Variants in DNAJB12 observed in about 807,000 individuals in gnomAD.
DNAJB12 encodes the protein DnaJ heat shock protein family (Hsp40) member B12.
Under a neutral mutation model 40.6 loss-of-function variants are expected in DNAJB12, and 14 were observed. The observed-to-expected ratio is 0.34, with a 90% CI of 0.23 to 0.54. The LOEUF is 0.54. DNAJB12 is among the 20% of genes least tolerant of loss of function. The pLI is 0.92. For missense variants in DNAJB12, 444 were observed against 501.7 expected (o/e 0.89, Z 1.10); for synonymous variants, 181 against 199.5 (o/e 0.91, Z 0.78).
Position 72,335,731 on chromosome 10 carries a change from G to A in DNAJB12, c.*30+49C>T, listed in dbSNP as rs989130184. 3.2e-5 allele frequency: 51 copies of A among 1,590,120 alleles called. 1 individual carries two copies. In the South Asian group the frequency reaches 5.7e-4, roughly 18 times the overall value. ...CCCCTCCCTCCTCTGCTCATGACCA[G>A]GGCCAAAGCTGCCAGGAGTTGCAGG... On this transcript the variant is annotated intron_variant, in intron 8 of 8. Coordinates refer to ENST00000444643, the MANE Select transcript of DNAJB12 (RefSeq NM_017626.7). The surrounding 1 kb of genome is among the most constrained non-coding windows in gnomAD (Gnocchi z 4.4).
At chr10:72,337,615 T>C (rs1861513262) in intron 6 of DNAJB12, among the ~76,000 whole-genome samples, 1 of 152,254 alleles carries the variant, frequency 6.6e-6, no homozygotes, top group South Asian at 2.1e-4. Context: ...AGCAGGTGGA[T>C]GTTATAATTC....
rs2131992172 is a variant in DNAJB12, at chr10:72,343,523, G to A, written c.312-12C>T. On this transcript the variant is annotated splice_polypyrimidine_tract_variant and intron_variant, in intron 2 of 8. Coordinates refer to ENST00000444643, the MANE Select transcript of DNAJB12 (RefSeq NM_017626.7). ...TACATTGCTTGACCCTGGGGAAGGA[G>A]GAGACCATGGTACGGGGTGCTCTAC... is the stretch of plus-strand genomic sequence containing the variant. 1 of 1,614,022 alleles carries A rather than the reference G, an allele frequency of 6.2e-7. No homozygotes were observed. Among genetic ancestry groups the A allele is most frequent in the Non-Finnish European group, 8.5e-7 (1 of 1,179,946 alleles).
chr10:72,336,729 G>A (rs201285763), intron 6 of DNAJB12, 33 bp from the exon 7 acceptor site: 28 of 1,602,236 alleles, frequency 1.7e-5, no homozygotes, highest in Middle Eastern at 1.7e-4. Flanking sequence ...AAGTGGGTGC[G>A]GGTCCCCATG....
chr10:72,340,882 G>C lies in DNAJB12; in HGVS notation c.644-14C>G. ...CGTGGACGTTACCTGGGGGTCAGAG[G>C]GGCTGAGTCAGGAGCCAGGTCTGTT... On this transcript the variant is annotated splice_polypyrimidine_tract_variant and intron_variant, in intron 4 of 8. Coordinates refer to ENST00000444643, the MANE Select transcript of DNAJB12 (RefSeq NM_017626.7). 2 of 1,613,530 alleles carry C rather than the reference G, an allele frequency of 1.2e-6. No individual in the cohort carries two copies. Among genetic ancestry groups the C allele is most frequent in the Non-Finnish European group, 1.7e-6 (2 of 1,179,706 alleles).
intron 4 of DNAJB12, 26 bp downstream of exon 4, chr10:72,340,959 G>T: frequency 6.2e-7 from 1 of 1,611,348 alleles, no homozygotes; most frequent in Non-Finnish European, 8.5e-7. Context: ...AGGGATACCT[G>T]GCTGTGGGGA....
chr10:72,341,799 A>G (rs1267764754), intron 3 of DNAJB12, among the ~76,000 whole-genome samples: 1 of 152,180 alleles, frequency 6.6e-6, no homozygotes, highest in Non-Finnish European at 1.5e-5. Context: ...GAGCAACCCT[A>G]TCTCCATTTC....
intron 7 of DNAJB12, among the ~76,000 whole-genome samples, 190 bp from the exon 8 acceptor site, chr10:72,336,121 G>A (rs932291574): frequency 3.9e-5 from 6 of 152,176 alleles, no homozygotes; most frequent in Non-Finnish European, 8.8e-5. Context: ...TGACAGAGGC[G>A]CCTTTCTCTA....
chr10:72,354,700 G>A, intron 1 of DNAJB12, 65 bp downstream of exon 1: 3 of 1,423,230 alleles, frequency 2.1e-6, no homozygotes, highest in Non-Finnish European at 2.9e-6. Flanking sequence ...TGCTCCCGTC[G>A]GTCCGTTCCC....
intron 1 of DNAJB12, among the ~76,000 whole-genome samples, chr10:72,351,416 T>C (rs1861931316): frequency 1.3e-5 from 2 of 152,274 alleles, no homozygotes; most frequent in East Asian, 1.9e-4. Context: ...AAGGTTGCTC[T>C]GAGCCTCCCC....
intron 3 of DNAJB12, among the ~76,000 whole-genome samples, chr10:72,342,810 T>C (rs554641193): frequency 6.6e-6 from 1 of 152,334 alleles, no homozygotes; most frequent in Non-Finnish European, 1.5e-5. Context: ...AAAGGGCAGC[T>C]TACGATTTCA....
intron 1 of DNAJB12, among the ~76,000 whole-genome samples, chr10:72,351,085 CCT>C (rs1455092160): frequency 2.6e-5 from 4 of 152,188 alleles, no homozygotes; most frequent in Admixed American, 1.3e-4. Flanking sequence ...CCCAGCCAAT[CCT>C]CTCTTTGTAT....
chr10:72,342,830 G>A (rs1310956426), intron 3 of DNAJB12, among the ~76,000 whole-genome samples: 2 of 152,236 alleles, frequency 1.3e-5, no homozygotes, highest in Non-Finnish European at 2.9e-5. Flanking sequence ...AGCCAGAAAT[G>A]AAGCACCCAT....
At chr10:72,339,238 C>CAAAA (rs10695425) in intron 5 of DNAJB12, among the ~76,000 whole-genome samples, 5 of 111,346 alleles carry the variant, frequency 4.5e-5, no homozygotes, top group African/African-American at 1.8e-4. Context: ...GACCCTGTCT[C>CAAAA]AAAAAAAAAA....
At chr10:72,339,977 T>G (rs1225507848) in intron 5 of DNAJB12, among the ~76,000 whole-genome samples, 1 of 152,056 alleles carries the variant, frequency 6.6e-6, no homozygotes, top group African/African-American at 2.4e-5. Context: ...TCCCAAATTT[T>G]TGTAAATATC....
At chr10:72,338,070 C>A in intron 6 of DNAJB12, 132 bp downstream of exon 6, 1 of 710,200 alleles carries the variant, frequency 1.4e-6, no homozygotes. Flanking sequence ...AGTATATTTT[C>A]TTGATTCGAA....
intron 7 of DNAJB12, 80 bp downstream of exon 7, chr10:72,336,444 G>A (rs986428417): frequency 6.5e-5 from 96 of 1,480,374 alleles, no homozygotes; most frequent in East Asian, 4.5e-4. Flanking sequence ...AGGGTGAGCA[G>A]GGCTCTCTCC....
rs1304817259 is a variant in DNAJB12, at chr10:72,354,822, G to C, written c.76C>G (p.Arg26Gly). 6.2e-7 allele frequency: 1 copy of C among 1,613,884 alleles called. No homozygotes were observed. Among genetic ancestry groups the C allele is most frequent in the Non-Finnish European group, 8.5e-7 (1 of 1,179,914 alleles). Residue 26 changes from arginine (R) to glycine (G), a missense_variant, in exon 1 of 9, where the codon CGG (arginine) becomes GGG (glycine). By Grantham distance (125) the Arg-to-Gly change is moderately radical. Coordinates refer to ENST00000444643, the MANE Select transcript of DNAJB12 (RefSeq NM_017626.7). ...GCCTTCTCCAGGAAGCGGAGCGCCC[G>C]GTCGGGCTGGTTGCTCTGGATGGCC... is the stretch of plus-strand genomic sequence containing the variant. Reference protein sequence around the residue: ...LKAIQSNQPDRALRFLEKAQR... With the variant: ...LKAIQSNQPDGALRFLEKAQR...
intron 1 of DNAJB12, among the ~76,000 whole-genome samples, chr10:72,347,647 G>A (rs112873273): frequency 6.6e-6 from 1 of 152,258 alleles, no homozygotes; most frequent in Non-Finnish European, 1.5e-5. Context: ...TGGGCGCTGT[G>A]GCTCACGCCT....
chr10:72,344,916 C>T (rs1195077887), intron 2 of DNAJB12, 34 bp downstream of exon 2: 4 of 1,612,652 alleles, frequency 2.5e-6, no homozygotes, highest in Non-Finnish European at 3.4e-6. Flanking sequence ...TTTCCCCAGT[C>T]TCCCCAGGCT....
Sources: gnomAD v4.1 joint callset for allele counts (sites outside exome capture counted in the v4.1 genomes callset) on GRCh38, gnomAD v4.1.1 for gene constraint, Gnocchi (gnomAD v3.1) non-coding constraint, MANE v1.5 for transcripts, NCBI Gene and HGNC (gene_info 2026-07-23, HGNC 2026-07-21) for gene names.